Variants in RET observed in about 807,000 individuals in gnomAD.
The protein encoded by RET is proto-oncogene tyrosine-protein kinase receptor Ret.
Under a neutral mutation model 118.3 loss-of-function variants are expected in RET, and 19 were observed. The ratio of observed to expected loss-of-function variants is 0.16; its 90% CI spans 0.11 to 0.24. The LOEUF is 0.24. RET is among the 10% of genes least tolerant of loss of function. The pLI is 1.00. For missense variants in RET, 1,219 were observed against 1,502.1 expected (o/e 0.81, Z 3.12); for synonymous variants, 597 against 644.1 (o/e 0.93, Z 1.11).
chr10:43,119,099 A>G (rs750563651), intron 13 of RET, among the ~76,000 whole-genome samples: 21 of 152,076 alleles, frequency 1.4e-4, no homozygotes, highest in Non-Finnish European at 2.4e-4. Context: ...CTGGGACAGG[A>G]CAGGTGGGAA....
chr10:43,111,497 G>A (rs1290197416), intron 7 of RET, 32 bp downstream of exon 7: 1 of 1,598,172 alleles, frequency 6.3e-7, no homozygotes, highest in Non-Finnish European at 8.5e-7. Flanking sequence ...GGAGGGTCGG[G>A]GTCCTGGGGG....
intron 9 of RET, 64 bp from the exon 10 acceptor site, chr10:43,113,492 G>A: frequency 6.5e-7 from 1 of 1,528,362 alleles, no homozygotes; most frequent in Non-Finnish European, 8.7e-7. Flanking sequence ...CACTGCCCTG[G>A]AAATATGGGC....
At chr10:43,081,183 C>T (rs3123718) in intron 1 of RET, among the ~76,000 whole-genome samples, 1,626 of 141,018 alleles carry the variant, frequency 0.012, 33 homozygotes, top group East Asian at 0.087. Context: ...CAGAAGTGGG[C>T]CCCCCCCATC....
intron 3 of RET, among the ~76,000 whole-genome samples, chr10:43,104,125 G>A (rs745561316): frequency 2.0e-5 from 3 of 152,188 alleles, no homozygotes; most frequent in Non-Finnish European, 1.5e-5. Context: ...CGACGCACTG[G>A]ACAAGGAGGT....
At chr10:43,098,256 A>G (rs1237185419) in intron 1 of RET, among the ~76,000 whole-genome samples, 2 of 152,124 alleles carry the variant, frequency 1.3e-5, no homozygotes, top group African/African-American at 4.8e-5. Flanking sequence ...GTCTCCCCCA[A>G]GCCCTAGCAA....
chr10:43,093,809 C>G (rs1342982426), intron 1 of RET, among the ~76,000 whole-genome samples: 1 of 152,068 alleles, frequency 6.6e-6, no homozygotes, highest in Non-Finnish European at 1.5e-5. Context: ...AAATAGCTGT[C>G]CACATGGAAT....
rs376601566 is a variant in RET at position 43,118,369 on chromosome 10, T to G, written c.2285-4T>G. 2.5e-6 allele frequency: 4 copies of G among 1,612,876 alleles called. No homozygotes were observed. The African/African-American group carries it at 5.3e-5, about 22-fold the overall frequency. On this transcript the variant is annotated splice_polypyrimidine_tract_variant and splice_region_variant and intron_variant, in intron 12 of 19. Coordinates refer to ENST00000355710, the MANE Select transcript of RET (RefSeq NM_020975.6). Reference sequence around the variant, plus strand: ...TTTGCAACCTGCTCTGTGCTGCATTTCAGAGAACGCCTCCCCGAGTGAGCT... The same window carrying G: ...TTTGCAACCTGCTCTGTGCTGCATTGCAGAGAACGCCTCCCCGAGTGAGCT...
At chr10:43,103,391 C>G (rs1228400762) in intron 3 of RET, among the ~76,000 whole-genome samples, 1 of 151,982 alleles carries the variant, frequency 6.6e-6, no homozygotes, top group South Asian at 2.1e-4. Flanking sequence ...GGTGTGATGC[C>G]GGGATACGGG....
Position 43,119,523 on chromosome 10 carries a change from G to A in RET, c.2393-8G>A, listed in dbSNP as rs376151644. 1.4e-5 allele frequency: 23 copies of A among 1,589,040 alleles called. No individual in the cohort carries two copies. Among genetic ancestry groups the A allele is most frequent in the Middle Eastern group, 2.2e-4 (1 of 4,530 alleles). On this transcript the variant is annotated splice_region_variant and splice_polypyrimidine_tract_variant and intron_variant, in intron 13 of 19. Coordinates refer to ENST00000355710, the MANE Select transcript of RET (RefSeq NM_020975.6). ...CGCACGCCCAGGGCCCCCTCTCTCC[G>A]CCCCCAGGCCCGCTCCTCCTCATCG...
intron 1 of RET, among the ~76,000 whole-genome samples, chr10:43,088,089 A>G (rs1013743096): frequency 2.1e-5 from 3 of 143,242 alleles, no homozygotes; most frequent in South Asian, 2.3e-4. Context: ...TGGACGTGAT[A>G]GGGATATTGA....
chr10:43,103,300 G>C (rs1370433442), intron 3 of RET, among the ~76,000 whole-genome samples: 2 of 152,200 alleles, frequency 1.3e-5, no homozygotes, highest in Admixed American at 6.5e-5. Flanking sequence ...GTTAGGAATG[G>C]TTTGGGGTGG....
At chr10:43,108,632 GT>G (rs1358945727) in intron 5 of RET, among the ~76,000 whole-genome samples, 1 of 152,030 alleles carries the variant, frequency 6.6e-6, no homozygotes, top group Non-Finnish European at 1.5e-5. Context: ...TTTAGTTTCA[GT>G]TTACAACTCT....
intron 1 of RET, among the ~76,000 whole-genome samples, chr10:43,080,021 G>T (rs1465745451): frequency 6.6e-6 from 1 of 152,204 alleles, no homozygotes; most frequent in African/African-American, 2.4e-5. Context: ...CCTGCAAGCA[G>T]AGAGCAAATG....
At chr10:43,121,880 C>A in intron 15 of RET, 66 bp from the exon 16 acceptor site, 2 of 1,269,934 alleles carry the variant, frequency 1.6e-6, no homozygotes, top group Non-Finnish European at 2.3e-6. Flanking sequence ...GCCTGGCCTT[C>A]TCCTTTACCC....
At chr10:43,116,187 C>T (rs556465521) in intron 11 of RET, among the ~76,000 whole-genome samples, 21 of 152,326 alleles carry the variant, frequency 1.4e-4, no homozygotes, top group African/African-American at 3.8e-4. Context: ...CACTCTGAGG[C>T]GGAACATGGT....
At chr10:43,095,616 A>C (rs1478713876) in intron 1 of RET, among the ~76,000 whole-genome samples, 1 of 152,196 alleles carries the variant, frequency 6.6e-6, no homozygotes, top group Non-Finnish European at 1.5e-5. Context: ...ACAGTCTAGC[A>C]CTTCACTCTG....
intron 1 of RET, among the ~76,000 whole-genome samples, chr10:43,096,525 A>G (rs1320668324): frequency 1.3e-5 from 2 of 152,212 alleles, no homozygotes; most frequent in African/African-American, 4.8e-5. Context: ...TGAGAGCCTC[A>G]TGATGATACA....
chr10:43,113,775 G>C, intron 10 of RET, 100 bp downstream of exon 10: 1 of 1,525,990 alleles, frequency 6.6e-7, no homozygotes, highest in South Asian at 1.2e-5. Context: ...GCTGGGAGGC[G>C]AGTGGGCCCC....
At chr10:43,115,868 C>T (rs1211079242) in intron 11 of RET, among the ~76,000 whole-genome samples, 1 of 152,236 alleles carries the variant, frequency 6.6e-6, no homozygotes. Context: ...TCGACACTGA[C>T]CTTGACTGTG....
Sources: allele counts gnomAD v4.1 joint callset (sites outside exome capture counted in the v4.1 genomes callset), GRCh38; gene constraint gnomAD v4.1.1; transcripts MANE v1.5; gene names NCBI Gene and HGNC (gene_info 2026-07-23, HGNC 2026-07-21).